Variants in DDX4 observed in about 807,000 individuals in gnomAD.
DDX4 encodes the protein DEAD-box helicase 4, also known as probable ATP-dependent RNA helicase DDX4.
Under a neutral mutation model 100.0 loss-of-function variants are expected in DDX4, and 25 were observed. That is an observed-to-expected ratio of 0.25 (90% CI 0.18 to 0.35). The LOEUF (loss-of-function observed/expected upper bound fraction) is 0.35, where lower values mean the gene tolerates loss of function less well. Ranked by LOEUF, DDX4 falls within the 10% of genes least tolerant of loss-of-function variation. The probability of loss-of-function intolerance (pLI) is 1.00; values close to 1 mark genes in which losing one functional copy is unlikely to be tolerated. For synonymous variants in DDX4, 259 were observed against 275.7 expected (o/e 0.94, Z 0.60); for missense variants, 635 against 882.4 (o/e 0.72, Z 3.55).
chr5:55,798,004 A>G (rs1382543267), intron 17 of DDX4, among the ~76,000 whole-genome samples: 1 of 152,248 alleles, frequency 6.6e-6, no homozygotes, highest in Non-Finnish European at 1.5e-5. Flanking sequence ...TCAGAAAACA[A>G]CTAATAATAG....
intron 17 of DDX4, among the ~76,000 whole-genome samples, chr5:55,796,757 T>A (rs1742965901): frequency 6.6e-6 from 1 of 151,576 alleles, no homozygotes; most frequent in Non-Finnish European, 1.5e-5. Flanking sequence ...TTCCACATTC[T>A]TGCCTGCTGC....
chr5:55,808,515 T>A (rs1743898072), intron 18 of DDX4, among the ~76,000 whole-genome samples: 1 of 152,252 alleles, frequency 6.6e-6, no homozygotes, highest in South Asian at 2.1e-4. Context: ...TCCTTTATGT[T>A]TGTTAGTTTT....
In DDX4 at chr5:55,757,842, G is replaced by A. The variant is rs139178649; in HGVS notation, c.128-2358G>A. On this transcript the variant is annotated intron_variant, in intron 3 of 21. Coordinates refer to ENST00000505374, the MANE Select transcript of DDX4 (RefSeq NM_024415.3). ...GTGGATTACTTAAGGCCAGGAGTTC[G>A]AGACCTGCTTGGCCAATGTGGTGAA... 4.1e-4 allele frequency among the ~76,000 whole-genome samples: 63 copies of A among 152,234 alleles called. 2 individuals are homozygous for A. In the East Asian group the frequency reaches 0.011, roughly 28 times the overall value.
intron 3 of DDX4, among the ~76,000 whole-genome samples, chr5:55,749,144 GGTGTA>G (rs1479603291): frequency 1.3e-5 from 2 of 152,218 alleles, no homozygotes; most frequent in Non-Finnish European, 2.9e-5. Flanking sequence ...ATAGGAGGCA[GGTGTA>G]GTGGCTTATG....
intron 17 of DDX4, among the ~76,000 whole-genome samples, chr5:55,794,804 C>G (rs1250896528): frequency 6.6e-6 from 1 of 152,050 alleles, no homozygotes; most frequent in Non-Finnish European, 1.5e-5. Context: ...TTTATCTGTT[C>G]TTAAATGTTA....
chr5:55,739,149 T>A (rs1454214235), intron 2 of DDX4, 117 bp downstream of exon 2: 1 of 666,394 alleles, frequency 1.5e-6, no homozygotes, highest in East Asian at 2.7e-5. Flanking sequence ...CATGTGATTG[T>A]TATTAACTAT....
At chr5:55,755,752 A>G (rs1195827936) in intron 3 of DDX4, among the ~76,000 whole-genome samples, 2 of 152,010 alleles carry the variant, frequency 1.3e-5, no homozygotes, top group Non-Finnish European at 2.9e-5. Context: ...TAATGTACAC[A>G]TAGATTCAAT....
rs1742184685 is a variant in DDX4, at chr5:55,785,439, T to A, written c.674-8T>A. On this transcript the variant is annotated splice_region_variant and splice_polypyrimidine_tract_variant and intron_variant, in intron 11 of 21. Transcript: ENST00000505374. ...CATGTATCTCTTTTTTATTTGATCC[T>A]CTTCAAGATTCTTGGAAGTCAGAAG... 1 of 1,606,444 alleles carries A rather than the reference T, an allele frequency of 6.2e-7. No individual in the cohort carries two copies. Among genetic ancestry groups the A allele is most frequent in the South Asian group, 1.1e-5 (1 of 90,058 alleles).
chr5:55,764,842 C>T (rs947976675), intron 6 of DDX4, among the ~76,000 whole-genome samples: 6 of 152,118 alleles, frequency 3.9e-5, no homozygotes, highest in Admixed American at 1.3e-4. Flanking sequence ...AGTGAGAATG[C>T]GTGTAAAAGC....
intron 7 of DDX4, among the ~76,000 whole-genome samples, chr5:55,772,262 G>A (rs1244416302): frequency 2.0e-5 from 3 of 152,138 alleles, no homozygotes; most frequent in Non-Finnish European, 2.9e-5. Flanking sequence ...TGTATATAAT[G>A]TGGGAATCAA....
intron 4 of DDX4, 30 bp downstream of exon 4, chr5:55,760,307 T>C: frequency 3.3e-6 from 5 of 1,520,342 alleles, no homozygotes; most frequent in Non-Finnish European, 4.4e-6. Flanking sequence ...CTTAATCTCC[T>C]GAACTGTTGA....
intron 3 of DDX4, among the ~76,000 whole-genome samples, chr5:55,754,148 A>G (rs1759766572): frequency 6.7e-6 from 1 of 148,484 alleles, no homozygotes; most frequent in South Asian, 2.2e-4. Flanking sequence ...TCTTTTCCTA[A>G]TTGAATACCC....
chr5:55,806,923 G>A (rs1476111636), intron 18 of DDX4, among the ~76,000 whole-genome samples: 1 of 152,166 alleles, frequency 6.6e-6, no homozygotes, highest in African/African-American at 2.4e-5. Context: ...ACAGTGGGGT[G>A]TTAAAGTGTC....
Position 55,789,629 on chromosome 5 carries a change from G to T in DDX4, c.1173-947G>T, listed in dbSNP as rs186129374. On this transcript the variant is annotated intron_variant, in intron 15 of 21. Coordinates refer to ENST00000505374, the MANE Select transcript of DDX4 (RefSeq NM_024415.3). Reference sequence around the variant, plus strand: ...CTAAGTTTGACCCCACTCAGGAGTGGCTATATTATAATTTATTGGAACTAG... The same window carrying T: ...CTAAGTTTGACCCCACTCAGGAGTGTCTATATTATAATTTATTGGAACTAG... Among the ~76,000 whole-genome samples, 7 of 152,302 alleles carry T rather than the reference G, an allele frequency of 4.6e-5. No individual in the cohort carries two copies. The East Asian group carries it at 1.3e-3, about 29-fold the overall frequency.
At position 55,816,549 on chromosome 5, in the gene DDX4, C is replaced by T. The variant is rs777692615; in HGVS notation, c.*9C>T. ...ATGAGTCATGGGATTAAAGCCAAAA[C>T]ATCCTTCAAGTCTGTGGTTTTGATG... is the stretch of plus-strand genomic sequence containing the variant. On this transcript the variant is annotated 3_prime_UTR_variant, in exon 22 of 22. Transcript: ENST00000505374. The T allele has an allele frequency of 4.3e-6, 7 of 1,610,702 alleles. 1 individual carries two copies. The South Asian group carries it at 7.8e-5, about 18-fold the overall frequency.
chr5:55,755,414 T>C (rs1759862456), intron 3 of DDX4, among the ~76,000 whole-genome samples: 1 of 152,190 alleles, frequency 6.6e-6, no homozygotes, highest in Admixed American at 6.5e-5. Context: ...ATTACTGATT[T>C]CTATTATTTC....
intron 7 of DDX4, among the ~76,000 whole-genome samples, chr5:55,769,303 G>A (rs1050768933): frequency 3.3e-5 from 5 of 152,090 alleles, no homozygotes; most frequent in African/African-American, 1.2e-4. Context: ...TGCGGTCTAA[G>A]GAAGGGGTCC....
chr5:55,797,298 A>G (rs1743023578), intron 17 of DDX4, among the ~76,000 whole-genome samples: 1 of 152,172 alleles, frequency 6.6e-6, no homozygotes, highest in Admixed American at 6.5e-5. Flanking sequence ...ATTTTTCTTA[A>G]TATATCTTTC....
At chr5:55,742,035 A>G (rs1759005489) in intron 2 of DDX4, 1 of 374,374 alleles carries the variant, frequency 2.7e-6, no homozygotes, top group Non-Finnish European at 5.4e-6. Flanking sequence ...ATTTTGAAAT[A>G]ATTTGTCATT....
Sources: allele counts gnomAD v4.1 joint callset (sites outside exome capture counted in the v4.1 genomes callset), GRCh38; gene constraint gnomAD v4.1.1; transcripts MANE v1.5; gene names NCBI Gene and HGNC (gene_info 2026-07-23, HGNC 2026-07-21).